SUSD4: variants seen among roughly 807,000 people sequenced by gnomAD.
SUSD4 encodes sushi domain containing 4.
In SUSD4, 41 loss-of-function variants were observed where a neutral mutation model predicts 50.5. That is an observed-to-expected ratio of 0.81 (90% confidence interval 0.63 to 1.05). The LOEUF (loss-of-function observed/expected upper bound fraction) is 1.05. Among genes scored for constraint, SUSD4 ranks in the 50% least tolerant of loss-of-function variants. SUSD4 has a pLI of 0.00. For missense variants in SUSD4, 580 were observed against 634.7 expected (o/e 0.91, Z 0.93); for synonymous variants, 257 against 257.3 (o/e 1.00, Z 0.01).
intron 5 of SUSD4, among the ~76,000 whole-genome samples, chr1:223,253,673 C>G (rs1201389707): frequency 6.6e-6 from 1 of 152,144 alleles, no homozygotes; most frequent in Non-Finnish European, 1.5e-5. Flanking sequence ...CTTCTGTGTT[C>G]CACCTGACTG....
At chr1:223,324,704 G>A (rs1459312709) in intron 2 of SUSD4, among the ~76,000 whole-genome samples, 2 of 150,696 alleles carry the variant, frequency 1.3e-5, no homozygotes, top group African/African-American at 4.9e-5. Context: ...AACTTTCTTA[G>A]AGGGGCCTGC....
At chr1:223,265,275 G>A (rs1662415544) in intron 4 of SUSD4, among the ~76,000 whole-genome samples, 1 of 152,234 alleles carries the variant, frequency 6.6e-6, no homozygotes. Flanking sequence ...AGCTTCAGAA[G>A]CTTAGGTTCC....
intron 2 of SUSD4, among the ~76,000 whole-genome samples, chr1:223,327,269 G>A (rs943942109): frequency 4.6e-5 from 7 of 152,180 alleles, no homozygotes; most frequent in Non-Finnish European, 1.0e-4. Flanking sequence ...TTATAAGTAG[G>A]AACTAAGCTA....
intron 3 of SUSD4, chr1:223,289,271 G>T: frequency 2.0e-6 from 2 of 985,448 alleles, no homozygotes; most frequent in Non-Finnish European, 2.4e-6. Flanking sequence ...CAGTCTTGCA[G>T]AAGCAGCTTG....
intron 2 of SUSD4, among the ~76,000 whole-genome samples, chr1:223,361,840 T>C (rs998279529): frequency 6.6e-6 from 1 of 152,140 alleles, no homozygotes; most frequent in Non-Finnish European, 1.5e-5. Context: ...ATCCACGCAA[T>C]ACTGTTCTGC....
rs146058909 is a variant in SUSD4, at chr1:223,330,324, C to T, written c.148+32954G>A. On this transcript the variant is annotated intron_variant, in intron 2 of 8. Coordinates refer to ENST00000366878, the MANE Select transcript of SUSD4 (RefSeq NM_017982.4). ...CAGCTAAACCACAATCCACATATCA[C>T]TGTTCTCACTCATATTTAAGAAATA... 4.6e-3 allele frequency among the ~76,000 whole-genome samples: 704 copies of T among 152,328 alleles called. 4 individuals carry two copies. The highest frequency in any genetic ancestry group is 0.016 in the African/African-American group (664 of 41,566).
Position 223,229,686 on chromosome 1 carries a change from C to T in SUSD4, c.725-298G>A, listed in dbSNP as rs1659764201. 6.6e-6 allele frequency among the ~76,000 whole-genome samples: 1 copy of T among 152,152 alleles called. No individual in the cohort carries two copies. ...TGCCTATTTAATAGAGAGTATTAAG[C>T]TACTGTATTAATAATGCATGCTATT... On this transcript the variant is annotated intron_variant, in intron 5 of 8. Transcript: ENST00000366878. This position sits in a 1 kb window ranked among gnomAD's most constrained non-coding sequence, Gnocchi z 4.7.
intron 3 of SUSD4, among the ~76,000 whole-genome samples, chr1:223,286,289 G>A (rs1664134866): frequency 6.6e-6 from 1 of 152,156 alleles, no homozygotes; most frequent in Non-Finnish European, 1.5e-5. Flanking sequence ...CTAATTTTTT[G>A]TATTTTTAGT....
chr1:223,273,857 A>AC lies in SUSD4; in HGVS notation c.362-5183dup, dbSNP rs544769203. Among the ~76,000 whole-genome samples, 49 of 152,226 alleles carry AC rather than the reference A, an allele frequency of 3.2e-4. No homozygotes were observed. The East Asian group carries it at 7.4e-3, about 23-fold the overall frequency. On this transcript the variant is annotated intron_variant, in intron 3 of 8. Transcript: ENST00000366878. ...AAAGCTCATGTCTGGTGACTCCTGA[A>AC]CCCTGCCCTACGCACCTCTTCCCTT...
intron 2 of SUSD4, among the ~76,000 whole-genome samples, chr1:223,354,347 A>C (rs1668538012): frequency 6.6e-6 from 1 of 152,112 alleles, no homozygotes; most frequent in Non-Finnish European, 1.5e-5. Flanking sequence ...CTCCAAAAAA[A>C]AAAAAAAGAA....
Position 223,227,488 on chromosome 1 carries a change from T to A in SUSD4, c.1061+106A>T. 7.0e-7 allele frequency: 1 copy of A among 1,434,108 alleles called. No homozygotes were observed. The highest frequency in any genetic ancestry group is 9.4e-7 in the Non-Finnish European group (1 of 1,059,052). The allele number at this position is 1,434,108 out of a possible 1,614,324, so 88.8% of individuals were successfully genotyped here. A position where few individuals can be genotyped will look rare whatever the true frequency, so the allele number is the denominator to read the frequency against. ...AACATTGTTTTTGCTCTCCCCTGTT[T>A]CCCTTTAGAGCTTCAACTTTTCACT... is the stretch of plus-strand genomic sequence containing the variant. On this transcript the variant is annotated intron_variant, in intron 7 of 8. Transcript: ENST00000366878. This position sits in a 1 kb window ranked among gnomAD's most constrained non-coding sequence, Gnocchi z 4.5.
At chr1:223,360,479 G>C (rs1279706999) in intron 2 of SUSD4, among the ~76,000 whole-genome samples, 1 of 152,184 alleles carries the variant, frequency 6.6e-6, no homozygotes, top group African/African-American at 2.4e-5. Flanking sequence ...AACCTGGAGA[G>C]AGCCACCCAA....
At chr1:223,313,694 A>G (rs967636424) in intron 2 of SUSD4, among the ~76,000 whole-genome samples, 8 of 152,180 alleles carry the variant, frequency 5.3e-5, no homozygotes, top group Admixed American at 2.6e-4. Context: ...TAAGGTCACA[A>G]AAACCTTGCT....
chr1:223,241,449 G>A (rs529822837), intron 5 of SUSD4, among the ~76,000 whole-genome samples: 7 of 152,214 alleles, frequency 4.6e-5, no homozygotes, highest in African/African-American at 1.7e-4. Flanking sequence ...GTTTCCCTTG[G>A]TGGTTTCCAC....
chr1:223,233,699 T>C (rs1168485809), intron 5 of SUSD4, among the ~76,000 whole-genome samples: 1 of 152,202 alleles, frequency 6.6e-6, no homozygotes, highest in Non-Finnish European at 1.5e-5. Flanking sequence ...GCTATGGCAC[T>C]TTTTTCTGTT....
chr1:223,250,655 T>A (rs1661241171), intron 5 of SUSD4, among the ~76,000 whole-genome samples: 1 of 152,142 alleles, frequency 6.6e-6, no homozygotes, highest in African/African-American at 2.4e-5. Context: ...AACGATTTCA[T>A]TATCTGCTAA....
At chr1:223,327,733 C>A (rs1236511887) in intron 2 of SUSD4, among the ~76,000 whole-genome samples, 2 of 152,208 alleles carry the variant, frequency 1.3e-5, no homozygotes, top group African/African-American at 2.4e-5. Context: ...ATGGCCCAGG[C>A]ATAATGAGCA....
At chr1:223,273,529 T>C (rs1314782973) in intron 3 of SUSD4, among the ~76,000 whole-genome samples, 1 of 152,232 alleles carries the variant, frequency 6.6e-6, no homozygotes, top group Non-Finnish European at 1.5e-5. Context: ...GTATGATGTA[T>C]GGCAGGGGCC....
chr1:223,309,722 C>G (rs943768573), intron 2 of SUSD4, among the ~76,000 whole-genome samples: 2 of 152,178 alleles, frequency 1.3e-5, no homozygotes, highest in Non-Finnish European at 2.9e-5. Flanking sequence ...TTCTAGAATG[C>G]CTGAGGCCTG....
Sources: gnomAD v4.1 joint callset for allele counts (sites outside exome capture counted in the v4.1 genomes callset) on GRCh38, gnomAD v4.1.1 for gene constraint, Gnocchi (gnomAD v3.1) non-coding constraint, MANE v1.5 for transcripts, NCBI Gene and HGNC (gene_info 2026-07-23, HGNC 2026-07-21) for gene names.